Variants in GPSM2 observed in about 807,000 individuals in gnomAD.
GPSM2 encodes G protein signaling modulator 2, also known as G protein-signaling modulator 2.
GPSM2 carries 58 observed loss-of-function variants against 78.4 expected under a neutral mutation model. The ratio of observed to expected loss-of-function variants is 0.74; its 90% CI spans 0.60 to 0.92. The LOEUF is 0.92. Ranked by LOEUF, GPSM2 falls within the 40% of genes least tolerant of loss-of-function variation. GPSM2 has a pLI of 0.00. For missense variants in GPSM2, 700 were observed against 815.5 expected (o/e 0.86, Z 1.73); for synonymous variants, 224 against 280.2 (o/e 0.80, Z 2.00).
intron 10 of GPSM2, among the ~76,000 whole-genome samples, chr1:108,908,632 G>A (rs570826040): frequency 6.8e-6 from 1 of 147,538 alleles, no homozygotes; most frequent in South Asian, 2.1e-4. Context: ...CCGAGATCGC[G>A]CCACTGCACT....
At chr1:108,927,622 T>G (rs1371775141) in intron 14 of GPSM2, among the ~76,000 whole-genome samples, 3 of 152,078 alleles carry the variant, frequency 2.0e-5, no homozygotes, top group Admixed American at 1.3e-4. Context: ...CCTTACCTAA[T>G]ACCATATGCA....
intron 14 of GPSM2, among the ~76,000 whole-genome samples, chr1:108,925,528 G>A (rs1048220109): frequency 2.9e-4 from 44 of 152,130 alleles, no homozygotes; most frequent in African/African-American, 1.1e-3. Context: ...CCCAAGGGTG[G>A]GCTGGGGAGG....
At chr1:108,887,331 G>A (rs1647640067) in intron 2 of GPSM2, among the ~76,000 whole-genome samples, 1 of 152,118 alleles carries the variant, frequency 6.6e-6, no homozygotes, top group South Asian at 2.1e-4. Flanking sequence ...AACCACACAG[G>A]CAGGTGGGGG....
At chr1:108,924,249 C>T in intron 14 of GPSM2, 35 bp downstream of exon 14, 1 of 1,241,780 alleles carries the variant, frequency 8.1e-7, no homozygotes, top group East Asian at 2.3e-5. Flanking sequence ...CTGCATACAG[C>T]TCAGATACCA....
At chr1:108,884,025 C>G (rs1647319839) in intron 1 of GPSM2, among the ~76,000 whole-genome samples, 1 of 152,028 alleles carries the variant, frequency 6.6e-6, no homozygotes, top group South Asian at 2.1e-4. Flanking sequence ...TCACTGCAAC[C>G]TCCACCTCCC....
chr1:108,915,667 C>T (rs934831063), intron 11 of GPSM2, among the ~76,000 whole-genome samples: 11 of 151,816 alleles, frequency 7.2e-5, no homozygotes, highest in Admixed American at 2.0e-4. Flanking sequence ...CCTCGTGTTC[C>T]GCCCACCTCT....
chr1:108,926,075 T>C lies in GPSM2; in HGVS notation c.1815+1861T>C, dbSNP rs551872074. Among the ~76,000 whole-genome samples the C allele has an allele frequency of 3.3e-5, 5 of 152,180 alleles. No individual in the cohort carries two copies. In the East Asian group the frequency reaches 7.7e-4, roughly 24 times the overall value. On this transcript the variant is annotated intron_variant, in intron 14 of 14. Transcript: ENST00000264126. ...ATTGGAGTTGGGGAGCACTATAAAT[T>C]TGAAGAGAAAGGAAGTGGGAAATAG...
At chr1:108,899,953 A>T (rs1328172525) in intron 7 of GPSM2, among the ~76,000 whole-genome samples, 2 of 152,194 alleles carry the variant, frequency 1.3e-5, no homozygotes, top group Non-Finnish European at 2.9e-5. Context: ...AAAATATATC[A>T]CTGTGTACTA....
intron 12 of GPSM2, among the ~76,000 whole-genome samples, chr1:108,921,217 T>TGA (rs1650685356): frequency 2.0e-5 from 3 of 152,106 alleles, no homozygotes; most frequent in African/African-American, 7.2e-5. Context: ...GTCAGGAGTT[T>TGA]GAGACCAGCT....
At chr1:108,880,455 G>A (rs151309635) in intron 1 of GPSM2, among the ~76,000 whole-genome samples, 6 of 152,048 alleles carry the variant, frequency 3.9e-5, no homozygotes, top group African/African-American at 1.4e-4. Flanking sequence ...TTAGCCAGGC[G>A]TGGTGCTGGG....
At chr1:108,884,189 G>A (rs1294568213) in intron 1 of GPSM2, among the ~76,000 whole-genome samples, 2 of 152,064 alleles carry the variant, frequency 1.3e-5, no homozygotes, top group East Asian at 1.9e-4. Context: ...GTGATCACCT[G>A]TGTCTGCCTC....
At chr1:108,892,506 G>C (rs1648046716) in intron 2 of GPSM2, among the ~76,000 whole-genome samples, 1 of 152,164 alleles carries the variant, frequency 6.6e-6, no homozygotes, top group Non-Finnish European at 1.5e-5. Context: ...GTAGTACTGT[G>C]TCTATTTGAA....
At position 108,877,144 on chromosome 1, in the gene GPSM2, G is replaced by A. The variant is rs1665663016; in HGVS notation, c.-333G>A. 6 of 152,222 alleles carry A rather than the reference G, an allele frequency of 3.9e-5. No homozygotes were observed. The South Asian group carries it at 1.2e-3, about 32-fold the overall frequency. 9.4% of individuals were successfully genotyped at this position (152,222 alleles called of 1,614,324 possible). On this transcript the variant is annotated 5_prime_UTR_variant, in exon 1 of 15. Coordinates refer to ENST00000264126, the MANE Select transcript of GPSM2 (RefSeq NM_013296.5). The stretch of plus-strand genomic sequence containing the variant: ...CCTCCTGCGGTGCCCCTGCCTTGGG[G>A]AGGGGCCGTGACCACCCGTCTGTCG...
chr1:108,892,453 G>A (rs893690177), intron 2 of GPSM2, among the ~76,000 whole-genome samples: 1 of 152,134 alleles, frequency 6.6e-6, no homozygotes, highest in African/African-American at 2.4e-5. Flanking sequence ...TAGCTAAAAT[G>A]TTCACTCTAT....
intron 2 of GPSM2, among the ~76,000 whole-genome samples, chr1:108,890,682 T>C (rs1647903879): frequency 6.6e-6 from 1 of 152,232 alleles, no homozygotes; most frequent in East Asian, 1.9e-4. Flanking sequence ...TTATGAAATG[T>C]TTTATCCATC....
chr1:108,892,652 TG>T (rs1235740749), intron 2 of GPSM2, among the ~76,000 whole-genome samples: 2 of 152,200 alleles, frequency 1.3e-5, no homozygotes, highest in Non-Finnish European at 2.9e-5. Context: ...GTATGTTCTT[TG>T]TTTTCAACCC....
intron 10 of GPSM2, among the ~76,000 whole-genome samples, chr1:108,905,394 G>T (rs574226819): frequency 1.3e-5 from 2 of 151,962 alleles, no homozygotes; most frequent in Non-Finnish European, 2.9e-5. Flanking sequence ...ACCCATTCCC[G>T]TTGGGCTTTG....
intron 2 of GPSM2, among the ~76,000 whole-genome samples, chr1:108,890,280 A>T (rs1647879335): frequency 6.6e-6 from 1 of 152,190 alleles, no homozygotes; most frequent in Admixed American, 6.5e-5. Flanking sequence ...TCTGGCACAT[A>T]TTGAACTTCA....
intron 6 of GPSM2, 41 bp from the exon 7 acceptor site, chr1:108,898,834 TTCAG>T: frequency 6.2e-7 from 1 of 1,600,044 alleles, no homozygotes; most frequent in Non-Finnish European, 8.6e-7. Flanking sequence ...TAGATCATTC[TTCAG>T]TTTTATTTTA....
Sources: gnomAD v4.1 joint callset for allele counts (sites outside exome capture counted in the v4.1 genomes callset) on GRCh38, gnomAD v4.1.1 for gene constraint, MANE v1.5 for transcripts, NCBI Gene and HGNC (gene_info 2026-07-23, HGNC 2026-07-21) for gene names.